Variants in SNX10 observed in about 807,000 individuals in gnomAD.
SNX10 encodes the protein sorting nexin 10, also known as sorting nexin-10.
In SNX10, 25 loss-of-function variants were observed where a neutral mutation model predicts 28.5. That is an observed-to-expected ratio of 0.88 (90% CI 0.64 to 1.22). SNX10 has a LOEUF of 1.22. Among genes scored for constraint, SNX10 ranks in the 50% most tolerant of loss-of-function variants. SNX10 has a pLI of 0.00. For synonymous variants in SNX10, 62 were observed against 81.4 expected, an observed-to-expected ratio of 0.76 and a Z score of 1.28; for missense variants, 223 against 242.6, an observed-to-expected ratio of 0.92 and a Z score of 0.54.
intron 1 of SNX10, among the ~76,000 whole-genome samples, chr7:26,337,344 A>G (rs1438237614): frequency 2.0e-5 from 3 of 152,186 alleles, no homozygotes; most frequent in African/African-American, 7.2e-5. Context: ...TTAAATGTAC[A>G]CTTCAGTAGC....
At chr7:26,357,512 GT>G (rs1490866006) in intron 2 of SNX10, among the ~76,000 whole-genome samples, 1 of 152,010 alleles carries the variant, frequency 6.6e-6, no homozygotes, top group Non-Finnish European at 1.5e-5. Context: ...GAACTTGAAG[GT>G]TATGGGGCAA....
intron 1 of SNX10, among the ~76,000 whole-genome samples, chr7:26,316,899 A>G (rs1787116019): frequency 6.6e-6 from 1 of 152,196 alleles, no homozygotes; most frequent in Admixed American, 6.5e-5. Context: ...TATGCCCAGA[A>G]TATACTAGAA....
At chr7:26,322,146 TG>T (rs1400416554) in intron 1 of SNX10, among the ~76,000 whole-genome samples, 6 of 152,194 alleles carry the variant, frequency 3.9e-5, no homozygotes, top group African/African-American at 1.4e-4. Context: ...AGACTGGAGT[TG>T]GTACAACTAA....
chr7:26,340,806 G>A (rs1476134722), intron 1 of SNX10, among the ~76,000 whole-genome samples: 1 of 152,160 alleles, frequency 6.6e-6, no homozygotes, highest in Non-Finnish European at 1.5e-5. Flanking sequence ...TCGCTCTGTT[G>A]TCTAGGCTGG....
At chr7:26,348,019 G>A (rs61558019) in intron 2 of SNX10, among the ~76,000 whole-genome samples, 61,400 of 151,914 alleles carry the variant, frequency 0.4, 13,586 homozygotes, top group South Asian at 0.61. Flanking sequence ...GCTTCAAGCA[G>A]TCCTCCTGCC....
At position 26,343,918 on chromosome 7, in the gene SNX10, A is replaced by G. The variant is rs183720131; in HGVS notation, c.-23-2502A>G. Among the ~76,000 whole-genome samples the G allele has an allele frequency of 1.0e-3, 157 of 151,784 alleles. 1 individual carries two copies. Among genetic ancestry groups the G allele is most frequent in the African/African-American group, 3.7e-3 (152 of 41,366 alleles). ...AGCGGAAGTGCCATTTTCTCAGTAA[A>G]CCCTCTCCACCCCCACTTAGTCCCT... is the stretch of plus-strand genomic sequence containing the variant. On this transcript the variant is annotated intron_variant, in intron 1 of 6. Coordinates refer to ENST00000338523, the MANE Select transcript of SNX10 (RefSeq NM_013322.3).
At position 26,305,254 on chromosome 7, in the gene SNX10, A is replaced by G. The variant is rs931202758; in HGVS notation, c.-24+13168A>G. Among the ~76,000 whole-genome samples, 3 of 152,166 alleles carry G rather than the reference A, an allele frequency of 2.0e-5. 1 individual carries two copies. In the South Asian group the frequency reaches 6.2e-4, roughly 32 times the overall value. ...GCTCCAGTCTTCTTCCTCTGTAACT[A>G]TGGATACTCCCCAGTTCCTCTCTTC... is the stretch of plus-strand genomic sequence containing the variant. On this transcript the variant is annotated intron_variant, in intron 1 of 6. Transcript: ENST00000338523.
intron 1 of SNX10, among the ~76,000 whole-genome samples, chr7:26,305,329 G>A (rs1786541794): frequency 6.6e-6 from 1 of 152,182 alleles, no homozygotes; most frequent in African/African-American, 2.4e-5. Context: ...GGCTTTATAT[G>A]TAGGGAACCA....
At chr7:26,345,298 T>C (rs997519863) in intron 1 of SNX10, among the ~76,000 whole-genome samples, 1 of 152,168 alleles carries the variant, frequency 6.6e-6, no homozygotes, top group Non-Finnish European at 1.5e-5. Flanking sequence ...CTCTGGACCA[T>C]AGGGCACGCT....
At chr7:26,349,880 G>T (rs965901008) in intron 2 of SNX10, among the ~76,000 whole-genome samples, 3 of 152,204 alleles carry the variant, frequency 2.0e-5, no homozygotes, top group Non-Finnish European at 4.4e-5. Flanking sequence ...TGGGGTGTAT[G>T]AGTGAGCATT....
intron 1 of SNX10, among the ~76,000 whole-genome samples, chr7:26,302,690 CT>C (rs1786422904): frequency 6.6e-6 from 1 of 152,216 alleles, no homozygotes; most frequent in African/African-American, 2.4e-5. Context: ...CTGGTGACCA[CT>C]TTTGCTGCAT....
intron 2 of SNX10, among the ~76,000 whole-genome samples, chr7:26,347,214 T>A (rs1788425142): frequency 6.6e-6 from 1 of 152,224 alleles, no homozygotes; most frequent in Non-Finnish European, 1.5e-5. Flanking sequence ...ACCATTTATT[T>A]CAGAGAATCT....
chr7:26,312,563 ATCACAAGG>A (rs1246542704), intron 1 of SNX10, among the ~76,000 whole-genome samples: 1 of 152,134 alleles, frequency 6.6e-6, no homozygotes, highest in Non-Finnish European at 1.5e-5. Flanking sequence ...AGGCTGTCGG[ATCACAAGG>A]TCAGGCGTTC....
At chr7:26,358,900 G>A (rs1788953096) in intron 2 of SNX10, among the ~76,000 whole-genome samples, 1 of 145,338 alleles carries the variant, frequency 6.9e-6, no homozygotes, top group Admixed American at 7.1e-5. Flanking sequence ...CCGCCTCCTG[G>A]GTTCCAGCAA....
intron 1 of SNX10, among the ~76,000 whole-genome samples, chr7:26,315,730 T>C (rs1787058647): frequency 6.6e-6 from 1 of 151,940 alleles, no homozygotes; most frequent in African/African-American, 2.4e-5. Context: ...GCGAATATAA[T>C]ACAAAATGAA....
chr7:26,343,122 C>T (rs1788246063), intron 1 of SNX10, among the ~76,000 whole-genome samples: 1 of 152,142 alleles, frequency 6.6e-6, no homozygotes, highest in Non-Finnish European at 1.5e-5. Flanking sequence ...CATAGTTGGA[C>T]TTGGTCTGTA....
intron 5 of SNX10, 142 bp downstream of exon 5, chr7:26,365,287 C>T (rs1405901144): frequency 1.8e-6 from 1 of 567,778 alleles, no homozygotes; most frequent in Non-Finnish European, 3.2e-6. Context: ...GGCCCATTTC[C>T]TATATTAGAG....
At chr7:26,324,713 T>C (rs1787435808) in intron 1 of SNX10, among the ~76,000 whole-genome samples, 1 of 152,030 alleles carries the variant, frequency 6.6e-6, no homozygotes, top group Non-Finnish European at 1.5e-5. Flanking sequence ...GGAATGAAGG[T>C]GCTATGAATA....
chr7:26,350,680 C>G, intron 2 of SNX10, among the ~76,000 whole-genome samples: 1 of 123,734 alleles, frequency 8.1e-6, no homozygotes, highest in East Asian at 2.9e-4. Flanking sequence ...TTTTTCCCCT[C>G]CCACCCTCCC....
Sources: gnomAD v4.1 joint callset for allele counts (sites outside exome capture counted in the v4.1 genomes callset) on GRCh38, gnomAD v4.1.1 for gene constraint, MANE v1.5 for transcripts, NCBI Gene and HGNC (gene_info 2026-07-23, HGNC 2026-07-21) for gene names.